The following ARID1A variants were observed in gnomAD, a reference collection of about 807,000 sequenced individuals.
The protein encoded by ARID1A is AT-rich interactive domain-containing protein 1A.
Under a neutral mutation model 212.6 loss-of-function variants are expected in ARID1A, and 20 were observed. The observed-to-expected ratio is 0.09, with a 90% CI of 0.07 to 0.14. The LOEUF is 0.14. ARID1A is among the 10% of genes least tolerant of loss of function. ARID1A has a pLI of 1.00. For missense variants in ARID1A, 2,587 were observed against 3,059.0 expected (o/e 0.85, Z 3.64); for synonymous variants, 1,376 against 1,222.1 (o/e 1.13, Z -2.63).
rs2124064601 is a variant in ARID1A at position 26,762,303 on chromosome 1, T to G, written c.2403T>G (p.Gly801=). ...NSMGSYGPQG[G]QYGPQGGYPR... is the part of the protein sequence containing the mutation. ...TGGGGAGCTATGGTCCCCAGGGGGGTCAGTATGGCCCACAAGGTCAGTATA... is the reference window on the plus strand; with the variant it reads ...TGGGGAGCTATGGTCCCCAGGGGGGGCAGTATGGCCCACAAGGTCAGTATA... Residue 801 remains glycine (G), a synonymous_variant, in exon 7 of 20, where the codon GGT becomes GGG. Coordinates refer to ENST00000324856, the MANE Select transcript of ARID1A (RefSeq NM_006015.6). 6.2e-7 allele frequency: 1 copy of G among 1,613,368 alleles called. No homozygotes were observed.
At chr1:26,724,735 T>C (rs762089924) in intron 1 of ARID1A, among the ~76,000 whole-genome samples, 9 of 152,176 alleles carry the variant, frequency 5.9e-5, no homozygotes, top group Non-Finnish European at 1.3e-4. Context: ...AGTAGCCAGC[T>C]AGTCTGGAGG....
At chr1:26,739,896 G>C (rs930652386) in intron 4 of ARID1A, among the ~76,000 whole-genome samples, 1 of 151,398 alleles carries the variant, frequency 6.6e-6, no homozygotes, top group Admixed American at 6.6e-5. Context: ...TCTCTCACCT[G>C]GTGTCTTGCC....
intron 1 of ARID1A, among the ~76,000 whole-genome samples, chr1:26,718,484 C>G (rs370021549): frequency 1.3e-5 from 2 of 152,240 alleles, no homozygotes; most frequent in Admixed American, 6.5e-5. Context: ...GTACCAGACC[C>G]TATATGTACA....
intron 1 of ARID1A, among the ~76,000 whole-genome samples, chr1:26,709,523 T>C (rs1266683255): frequency 6.6e-6 from 1 of 151,930 alleles, no homozygotes; most frequent in Non-Finnish European, 1.5e-5. Flanking sequence ...TGGCCCTGCT[T>C]CTCAATTCAG....
chr1:26,730,882 T>C (rs2080669341), intron 2 of ARID1A, among the ~76,000 whole-genome samples: 1 of 152,200 alleles, frequency 6.6e-6, no homozygotes, highest in Non-Finnish European at 1.5e-5. Context: ...AAACAGCTGC[T>C]CTCAAACTTA....
intron 4 of ARID1A, among the ~76,000 whole-genome samples, chr1:26,744,427 T>G (rs2080817342): frequency 6.6e-6 from 1 of 152,198 alleles, no homozygotes; most frequent in Non-Finnish European, 1.5e-5. Flanking sequence ...TTAACTCTAG[T>G]ATGATGGCTC....
Position 26,766,479 on chromosome 1 carries a change from G to A in ARID1A, c.2901G>A (p.Met967Ile), listed in dbSNP as rs2124081460. 1 of 1,614,156 alleles carries A rather than the reference G, an allele frequency of 6.2e-7. No homozygotes were observed. Among genetic ancestry groups the A allele is most frequent in the Non-Finnish European group, 8.5e-7 (1 of 1,180,024 alleles). Residue 967 changes from methionine to isoleucine, a missense_variant, in exon 10 of 20, where the codon ATG (methionine) becomes ATA (isoleucine). Physicochemically the swap from Met to Ile is conservative, Grantham distance 10. Transcript: ENST00000324856. ...CAGGGATGGCAGCCAGCCCAGAGATGATGGGCCTTGGGGATGTAAAGTTAA... is the reference window on the plus strand; with the variant it reads ...CAGGGATGGCAGCCAGCCCAGAGATAATGGGCCTTGGGGATGTAAAGTTAA... ...NSAGMAASPE[M>I]MGLGDVKLTP...
chr1:26,715,341 T>C (rs950917752), intron 1 of ARID1A, among the ~76,000 whole-genome samples: 6 of 152,190 alleles, frequency 3.9e-5, no homozygotes, highest in Non-Finnish European at 5.9e-5. Context: ...TGCCCCTCCA[T>C]GTATTCCTTA....
At position 26,697,206 on chromosome 1, in the gene ARID1A, A is replaced by T. The variant is rs1315912114; in HGVS notation, c.803A>T (p.Gln268Leu). The change falls in exon 1 of 20, where the codon CAG becomes CTG. Residue 268 changes from glutamine (Q) to leucine (L), a missense_variant. By Grantham distance (113) the Gln-to-Leu change is moderately radical. Coordinates refer to ENST00000324856, the MANE Select transcript of ARID1A (RefSeq NM_006015.6). ...SASSSSSSFA[Q>L]QRFGAMGGGG... ...TCCTCGTCGTCTTCGTCCTTCGCTC[A>T]GCAGCGCTTCGGGGCCATGGGGGGA... The T allele has an allele frequency of 7.1e-7, 1 of 1,407,306 alleles. No homozygotes were observed. Among genetic ancestry groups the T allele is most frequent in the African/African-American group, 1.5e-5 (1 of 66,110 alleles). 87.2% of individuals were successfully genotyped at this position (1,407,306 alleles called of 1,614,324 possible).
rs777773061 is a variant in ARID1A at position 26,696,649 on chromosome 1, T to TGGCGGCGGCGGCGGAGCC, written c.250_267dup (p.Gly84_Gly89dup). ...AGGACGGGGCCGAGAGCAATGGGGGTGGCGGCGGCGGCGGAGCCGGCAGCG... is the reference window on the plus strand; with the variant it reads ...AGGACGGGGCCGAGAGCAATGGGGGTGGCGGCGGCGGCGGAGCCGGCGGCGGCGGCGGAGCCGGCAGCG... On this transcript the variant is annotated inframe_insertion, in exon 1 of 20. Transcript: ENST00000324856. 207 of 1,303,392 alleles carry TGGCGGCGGCGGCGGAGCC rather than the reference T, an allele frequency of 1.6e-4. 1 individual carries two copies. The highest frequency in any genetic ancestry group is 1.9e-4 in the Non-Finnish European group (192 of 1,031,366). The allele number at this position is 1,303,392 out of a possible 1,614,324, so 80.7% of individuals were successfully genotyped here.
chr1:26,756,988 C>T (rs998789098), intron 4 of ARID1A, among the ~76,000 whole-genome samples: 7 of 152,150 alleles, frequency 4.6e-5, no homozygotes, highest in African/African-American at 1.7e-4. Context: ...AGGTGTGAGC[C>T]ACTGCGCCCG....
chr1:26,696,694 G>A lies in ARID1A; in HGVS notation c.291G>A (p.Glu97=). 2.2e-6 allele frequency: 3 copies of A among 1,349,222 alleles called. No homozygotes were observed. The highest frequency in any genetic ancestry group is 2.7e-4 in the Middle Eastern group (1 of 3,700). 83.6% of individuals were successfully genotyped at this position (1,349,222 alleles called of 1,614,324 possible). A position where few individuals can be genotyped will look rare whatever the true frequency, so the allele number is the denominator to read the frequency against. The change falls in exon 1 of 20, where the codon GAG becomes GAA. Residue 97 remains glutamate, a synonymous_variant. Transcript: ENST00000324856. ...GAGSGGGPGA[E]PDLKNSNGNA... ...GCAGCGGCGGCGGGCCCGGCGCGGA[G>A]CCGGACCTGAAGAACTCGAACGGGA...
At chr1:26,724,887 C>T (rs1333671411) in intron 1 of ARID1A, among the ~76,000 whole-genome samples, 1 of 152,144 alleles carries the variant, frequency 6.6e-6, no homozygotes, top group Non-Finnish European at 1.5e-5. Context: ...TCTTTTGATA[C>T]ATTTCATTTG....
In ARID1A at chr1:26,774,733, T is replaced by C. The variant is rs2124119996; in HGVS notation, c.4506T>C (p.Asn1502=). The change falls in exon 18 of 20, where the codon AAT becomes AAC. Residue 1502 remains asparagine (N), a synonymous_variant. Transcript: ENST00000324856. This position sits in a 1 kb window ranked among gnomAD's most constrained non-coding sequence, Gnocchi z 5.6. ...AQQGTMWQGR[N]DMTYNYANRQ... ...AAGGCACCATGTGGCAGGGGCGTAATGACATGACCTATAATTATGCCAACA... is the reference window on the plus strand; with the variant it reads ...AAGGCACCATGTGGCAGGGGCGTAACGACATGACCTATAATTATGCCAACA... 1 of 1,614,236 alleles carries C rather than the reference T, an allele frequency of 6.2e-7. No homozygotes were observed. The highest frequency in any genetic ancestry group is 8.5e-7 in the Non-Finnish European group (1 of 1,180,046).
intron 4 of ARID1A, among the ~76,000 whole-genome samples, chr1:26,747,179 C>T (rs2080844184): frequency 1.3e-5 from 2 of 152,188 alleles, no homozygotes; most frequent in African/African-American, 4.8e-5. Context: ...CTGTTGCCAT[C>T]CCTCTGGGGA....
At position 26,771,748 on chromosome 1, in the gene ARID1A, G is replaced by C. The variant is rs1413524094; in HGVS notation, c.3406+422G>C. The C allele has an allele frequency of 4.8e-6, 1 of 208,072 alleles. No homozygotes were observed. Among genetic ancestry groups the C allele is most frequent in the Non-Finnish European group, 9.8e-6 (1 of 102,020 alleles). 12.9% of individuals were successfully genotyped at this position (208,072 alleles called of 1,614,324 possible). A position where few individuals can be genotyped will look rare whatever the true frequency, so the allele number is the denominator to read the frequency against. ...GGTAATGAATGGGAAGGAGGGAGTG[G>C]GGAAGGGTTATGAATGGAACTCCCT... On this transcript the variant is annotated intron_variant, in intron 12 of 19. Transcript: ENST00000324856. This position sits in a 1 kb window ranked among gnomAD's most constrained non-coding sequence, Gnocchi z 5.4.
In ARID1A at chr1:26,696,202, C is replaced by A; in HGVS notation, c.-202C>A. On this transcript the variant is annotated 5_prime_UTR_variant, in exon 1 of 20. Coordinates refer to ENST00000324856, the MANE Select transcript of ARID1A (RefSeq NM_006015.6). The stretch of plus-strand genomic sequence containing the variant: ...CCTCGGCCGCCGCCGCCGCCTCCTC[C>A]TCCTCCGCCGCCGCCAGCCCGGAGC... 1.4e-6 allele frequency: 1 copy of A among 717,440 alleles called. No individual in the cohort carries two copies. The highest frequency in any genetic ancestry group is 1.8e-6 in the Non-Finnish European group (1 of 543,856). 44.4% of individuals were successfully genotyped at this position (717,440 alleles called of 1,614,324 possible).
Position 26,771,032 on chromosome 1 carries a change from T to C in ARID1A, c.3199-87T>C, listed in dbSNP as rs891214105. ...AGAACTGTGGTTCTACAAAGATGAA[T>C]ACCTTACAGCCTGATGGGGCTTGGG... On this transcript the variant is annotated intron_variant, in intron 11 of 19. Transcript: ENST00000324856. This position sits in a 1 kb window ranked among gnomAD's most constrained non-coding sequence, Gnocchi z 5.4. 8.3e-6 allele frequency: 10 copies of C among 1,211,968 alleles called. No homozygotes were observed. The highest frequency in any genetic ancestry group is 1.9e-4 in the Middle Eastern group (1 of 5,216). 75.1% of individuals were successfully genotyped at this position (1,211,968 alleles called of 1,614,324 possible).
Position 26,771,502 on chromosome 1 carries a change from C to T in ARID1A, c.3406+176C>T, listed in dbSNP as rs1215294782. On this transcript the variant is annotated intron_variant, in intron 12 of 19. Transcript: ENST00000324856. This position sits in a 1 kb window ranked among gnomAD's most constrained non-coding sequence, Gnocchi z 5.4. ...CTAGAGAGTGGGCAGTGGAAACTCC[C>T]TTGGGAGGTACTCTACGGCAGCTCT... 2 of 657,522 alleles carry T rather than the reference C, an allele frequency of 3.0e-6. No individual in the cohort carries two copies. Among genetic ancestry groups the T allele is most frequent in the East Asian group, 2.7e-5 (1 of 36,440 alleles). 40.7% of individuals were successfully genotyped at this position (657,522 alleles called of 1,614,324 possible).
Sources: allele counts gnomAD v4.1 joint callset (sites outside exome capture counted in the v4.1 genomes callset), GRCh38; gene constraint gnomAD v4.1.1; non-coding constraint Gnocchi (gnomAD v3.1); transcripts MANE v1.5; gene names NCBI Gene and HGNC (gene_info 2026-07-23, HGNC 2026-07-21).